Variants in KDM4C observed in about 807,000 individuals in gnomAD.
KDM4C encodes the protein lysine demethylase 4C.
Under a neutral mutation model 129.3 loss-of-function variants are expected in KDM4C, and 81 were observed. That is an observed-to-expected ratio of 0.63 (90% confidence interval 0.52 to 0.75). The LOEUF (loss-of-function observed/expected upper bound fraction) is 0.75, where lower values mean the gene tolerates loss of function less well. KDM4C is among the 30% of genes least tolerant of loss of function. The pLI, the probability that KDM4C is intolerant of heterozygous loss-of-function variation, is 0.00. For synonymous variants in KDM4C, 573 were observed against 456.1 expected, an observed-to-expected ratio of 1.26 and a Z score of -3.26; for missense variants, 1,457 against 1,304.0, an observed-to-expected ratio of 1.12 and a Z score of -1.81.
chr9:7,164,761 C>G (rs1844196293), intron 19 of KDM4C, among the ~76,000 whole-genome samples: 1 of 152,160 alleles, frequency 6.6e-6, no homozygotes, highest in Non-Finnish European at 1.5e-5. Context: ...AACTTAAAGC[C>G]TCGCAGGAGT....
At chr9:7,050,442 C>CAAAAAAAAAGAAAAA (rs1829990693) in intron 17 of KDM4C, among the ~76,000 whole-genome samples, 1 of 78,278 alleles carries the variant, frequency 1.3e-5, no homozygotes, top group Non-Finnish European at 2.6e-5. Context: ...CCCAGATTAC[C>CAAAAAAAAAGAAAAA]AAAAAAAAAA....
intron 17 of KDM4C, among the ~76,000 whole-genome samples, chr9:7,085,622 G>T (rs1000978983): frequency 2.6e-5 from 4 of 152,036 alleles, no homozygotes; most frequent in Admixed American, 6.6e-5. Flanking sequence ...TAGGTTTATG[G>T]TTCCTGCCAC....
At chr9:6,870,869 C>G (rs1037028188) in intron 5 of KDM4C, among the ~76,000 whole-genome samples, 1 of 152,104 alleles carries the variant, frequency 6.6e-6, no homozygotes, top group African/African-American at 2.4e-5. Flanking sequence ...TAGGACTGAC[C>G]TGCCTGAGCA....
rs1158199897 is a variant in KDM4C, at chr9:6,944,652, GTTTTTTTTT to G, written c.922-36259_922-36251del. On this transcript the variant is annotated intron_variant, in intron 8 of 21. Transcript: ENST00000381309. Reference sequence around the variant, plus strand: ...CAACACACTTTTTGTCAAGGTAGAGGTTTTTTTTTTTTTTTTTTTTTTGCCTCTGTGCAA... The same window carrying G: ...CAACACACTTTTTGTCAAGGTAGAGGTTTTTTTTTTTTTGCCTCTGTGCAA... Among the ~76,000 whole-genome samples, 35 of 81,000 alleles carry G rather than the reference GTTTTTTTTT, an allele frequency of 4.3e-4. 1 individual carries two copies. In the East Asian group the frequency reaches 9.0e-3, roughly 21 times the overall value. The allele number at this position is 81,000 out of a possible 152,430, so 53.1% of individuals were successfully genotyped here.
At chr9:7,019,799 A>G (rs1185254298) in intron 15 of KDM4C, among the ~76,000 whole-genome samples, 1 of 147,092 alleles carries the variant, frequency 6.8e-6, no homozygotes, top group East Asian at 2.0e-4. Context: ...TTTTAGAAGC[A>G]AAGACATCTT....
chr9:6,971,586 T>G (rs557416557), intron 8 of KDM4C, among the ~76,000 whole-genome samples: 2 of 152,346 alleles, frequency 1.3e-5, no homozygotes. Flanking sequence ...TACATTTTAT[T>G]TGAATTAACC....
intron 8 of KDM4C, among the ~76,000 whole-genome samples, chr9:6,910,875 A>C (rs532864561): frequency 1.5e-4 from 23 of 152,238 alleles, no homozygotes; most frequent in Non-Finnish European, 2.9e-4. Flanking sequence ...TATGCTAATT[A>C]GCATTAAAAA....
At chr9:6,968,074 C>A (rs940001828) in intron 8 of KDM4C, among the ~76,000 whole-genome samples, 2 of 152,156 alleles carry the variant, frequency 1.3e-5, no homozygotes, top group South Asian at 2.1e-4. Flanking sequence ...TTTGCTATCA[C>A]TATCAGCGTG....
At chr9:6,870,254 C>T (rs1199812004) in intron 5 of KDM4C, among the ~76,000 whole-genome samples, 1 of 151,964 alleles carries the variant, frequency 6.6e-6, no homozygotes, top group East Asian at 1.9e-4. Context: ...TTGTCTTTTG[C>T]TTGTTCATTG....
intron 15 of KDM4C, among the ~76,000 whole-genome samples, chr9:7,019,686 T>TTATAAAAATATTACATTTTTATA (rs1563992577): frequency 1.7e-5 from 1 of 58,600 alleles, no homozygotes; most frequent in African/African-American, 5.7e-5. Flanking sequence ...AGAGACTATA[T>TTATAAAAATATTACATTTTTATA]TATAAAAATA....
intron 3 of KDM4C, among the ~76,000 whole-genome samples, chr9:6,808,044 G>A: frequency 1.0e-5 from 1 of 100,240 alleles, no homozygotes; most frequent in Non-Finnish European, 2.0e-5. Context: ...GGTGAGGGGC[G>A]CCTCTGCCCG....
intron 17 of KDM4C, among the ~76,000 whole-genome samples, chr9:7,079,386 C>T (rs537376321): frequency 1.1e-4 from 16 of 152,266 alleles, no homozygotes; most frequent in African/African-American, 3.4e-4. Context: ...TGTAGTAGTA[C>T]GATCTTGGCT....
chr9:7,140,914 G>T (rs1841679724), intron 19 of KDM4C, among the ~76,000 whole-genome samples: 1 of 152,354 alleles, frequency 6.6e-6, no homozygotes, highest in Non-Finnish European at 1.5e-5. Context: ...TGGGTGATCA[G>T]TGCGACCTGA....
chr9:6,835,077 G>C lies in KDM4C; in HGVS notation c.436-14430G>C, dbSNP rs2131354888. 4 of 988,654 alleles carry C rather than the reference G, an allele frequency of 4.0e-6. No homozygotes were observed. The South Asian group carries it at 5.1e-5, about 13-fold the overall frequency. The allele number at this position is 988,654 out of a possible 1,614,324, so 61.2% of individuals were successfully genotyped here. On this transcript the variant is annotated intron_variant, in intron 4 of 21. Coordinates refer to ENST00000381309, the MANE Select transcript of KDM4C (RefSeq NM_015061.6). ...CCACCACGGCTGAGTGGGATATCGT[G>C]CGTGACATCAAGGAGAAGCTGTGCT...
chr9:6,774,627 C>G (rs950993075), intron 1 of KDM4C, among the ~76,000 whole-genome samples: 1 of 151,976 alleles, frequency 6.6e-6, no homozygotes, highest in South Asian at 2.1e-4. Context: ...ACTGTGCTAC[C>G]GCACTCCAGC....
At chr9:7,102,894 TACATTTAGTGA>T (rs1281846143) in intron 17 of KDM4C, among the ~76,000 whole-genome samples, 5 of 152,206 alleles carry the variant, frequency 3.3e-5, no homozygotes, top group Admixed American at 1.3e-4. Context: ...GTTCACAACT[TACATTTAGTGA>T]AGTTGTTTTT....
chr9:6,766,386 G>T (rs183545882), intron 1 of KDM4C, among the ~76,000 whole-genome samples: 40 of 151,882 alleles, frequency 2.6e-4, no homozygotes, highest in Admixed American at 1.7e-3. Flanking sequence ...TTCAAGTATT[G>T]ATTTGCTGTT....
intron 17 of KDM4C, among the ~76,000 whole-genome samples, chr9:7,070,384 C>G (rs1833028478): frequency 6.6e-6 from 1 of 152,130 alleles, no homozygotes. Flanking sequence ...CCTCCCAATT[C>G]ATTGCATAGG....
In KDM4C at chr9:6,984,409, G is replaced by A. The variant is rs1172908847; in HGVS notation, c.1354+5G>A. On this transcript the variant is annotated splice_donor_5th_base_variant and intron_variant, in intron 10 of 21. Coordinates refer to ENST00000381309, the MANE Select transcript of KDM4C (RefSeq NM_015061.6). ...CAGATCATATCAAACTCTCAGGTGA[G>A]AAGATGGTTGATTAGGTTTCACATA... 13 of 1,577,600 alleles carry A rather than the reference G, an allele frequency of 8.2e-6. No homozygotes were observed. Among genetic ancestry groups the A allele is most frequent in the Non-Finnish European group, 1.0e-5 (12 of 1,147,590 alleles).
Sources: gnomAD v4.1 joint callset for allele counts (sites outside exome capture counted in the v4.1 genomes callset) on GRCh38, gnomAD v4.1.1 for gene constraint, MANE v1.5 for transcripts, NCBI Gene and HGNC (gene_info 2026-07-23, HGNC 2026-07-21) for gene names.